Variants in MEMO1 observed in about 807,000 individuals in gnomAD.
MEMO1 encodes the protein mediator of cell motility 1.
In MEMO1, 6 loss-of-function variants were observed where a neutral mutation model predicts 45.2. The observed-to-expected ratio is 0.13, with a 90% CI of 0.07 to 0.26. MEMO1 has a LOEUF of 0.26. Ranked by LOEUF, MEMO1 falls within the 10% of genes least tolerant of loss-of-function variation. The pLI, the probability that MEMO1 is intolerant of heterozygous loss-of-function variation, is 1.00. For synonymous variants in MEMO1, 78 were observed against 124.3 expected (o/e 0.63, Z 2.48); for missense variants, 184 against 370.5 (o/e 0.50, Z 4.13).
intron 4 of MEMO1, among the ~76,000 whole-genome samples, chr2:31,921,195 GA>G (rs148932972): frequency 2.0e-3 from 309 of 152,204 alleles, no homozygotes; most frequent in African/African-American, 7.2e-3. Context: ...GTCCTTATAG[GA>G]AAAAGAGACA....
At chr2:31,891,534 A>C (rs1676979662) in intron 7 of MEMO1, among the ~76,000 whole-genome samples, 1 of 152,068 alleles carries the variant, frequency 6.6e-6, no homozygotes, top group Admixed American at 6.6e-5. Context: ...GGCAATTGTG[A>C]GTAAAAACTA....
chr2:31,920,173 A>C (rs1396110880), intron 5 of MEMO1, among the ~76,000 whole-genome samples: 1 of 151,562 alleles, frequency 6.6e-6, no homozygotes, highest in Non-Finnish European at 1.5e-5. Flanking sequence ...TCCCCCCCCC[A>C]AAAGAAAAAA....
chr2:31,970,093 T>G (rs996211239), intron 2 of MEMO1, among the ~76,000 whole-genome samples: 5 of 152,130 alleles, frequency 3.3e-5, no homozygotes, highest in Non-Finnish European at 7.4e-5. Flanking sequence ...TGTCTCAGCC[T>G]CCTGAGTAGC....
At chr2:31,968,675 T>A (rs2148446224) in intron 2 of MEMO1, among the ~76,000 whole-genome samples, 1 of 152,318 alleles carries the variant, frequency 6.6e-6, no homozygotes, top group Admixed American at 6.5e-5. Flanking sequence ...ATCCTTGCAT[T>A]CCAATCTCCA....
chr2:31,951,689 C>T (rs1313378529), intron 2 of MEMO1, among the ~76,000 whole-genome samples: 1 of 152,042 alleles, frequency 6.6e-6, no homozygotes, highest in Non-Finnish European at 1.5e-5. Context: ...CCTGCCACCG[C>T]ACCCGGCTAA....
chr2:31,888,420 C>T (rs931555686), intron 7 of MEMO1, among the ~76,000 whole-genome samples: 6 of 152,036 alleles, frequency 3.9e-5, no homozygotes, highest in Admixed American at 1.3e-4. Flanking sequence ...ATATAAATTT[C>T]AGGAAGGTCA....
intron 6 of MEMO1, among the ~76,000 whole-genome samples, chr2:31,898,753 G>A (rs1678277888): frequency 6.6e-6 from 1 of 152,164 alleles, no homozygotes; most frequent in Non-Finnish European, 1.5e-5. Context: ...CTGAGTTCAA[G>A]TCCTGAATAT....
At chr2:31,971,800 T>C (rs892049399) in intron 2 of MEMO1, among the ~76,000 whole-genome samples, 1 of 152,010 alleles carries the variant, frequency 6.6e-6, no homozygotes, top group Non-Finnish European at 1.5e-5. Flanking sequence ...TGAAACTCCA[T>C]CTCTACTAAA....
chr2:32,000,641 C>G (rs1673183116), intron 2 of MEMO1, among the ~76,000 whole-genome samples: 1 of 152,188 alleles, frequency 6.6e-6, no homozygotes, highest in Admixed American at 6.5e-5. Flanking sequence ...GCAGGGATTA[C>G]AAGCGTGAGC....
intron 2 of MEMO1, among the ~76,000 whole-genome samples, chr2:31,976,662 C>A (rs1464766009): frequency 1.3e-5 from 2 of 151,866 alleles, no homozygotes; most frequent in African/African-American, 4.8e-5. Context: ...ATATTCATTT[C>A]TAAAAATTCA....
intron 2 of MEMO1, among the ~76,000 whole-genome samples, chr2:31,982,490 T>C (rs1281515659): frequency 6.9e-6 from 1 of 145,688 alleles, no homozygotes; most frequent in Admixed American, 7.1e-5. Context: ...CTCGGGAGGC[T>C]GGGGCAGGAG....
At chr2:32,007,374 C>T (rs556894446) in intron 2 of MEMO1, among the ~76,000 whole-genome samples, 109 of 152,286 alleles carry the variant, frequency 7.2e-4, no homozygotes, top group African/African-American at 2.6e-3. Flanking sequence ...TCTCAACTTA[C>T]TTGATATTTA....
chr2:31,873,694 C>A (rs1478691604), intron 8 of MEMO1, among the ~76,000 whole-genome samples: 1 of 152,050 alleles, frequency 6.6e-6, no homozygotes, highest in Non-Finnish European at 1.5e-5. Context: ...ATTCCAACCA[C>A]ATAATTAACA....
intron 7 of MEMO1, among the ~76,000 whole-genome samples, chr2:31,884,827 T>C (rs576898096): frequency 1.4e-4 from 21 of 152,318 alleles, no homozygotes; most frequent in Admixed American, 5.9e-4. Flanking sequence ...TAACTGATGA[T>C]ATCCTAGAAT....
chr2:31,959,224 G>T (rs1667726109), intron 2 of MEMO1, among the ~76,000 whole-genome samples: 1 of 152,118 alleles, frequency 6.6e-6, no homozygotes, highest in African/African-American at 2.4e-5. Context: ...AGAGATTTCA[G>T]AATCATTTAA....
chr2:31,980,699 C>T (rs1229067874), intron 2 of MEMO1, among the ~76,000 whole-genome samples: 1 of 152,110 alleles, frequency 6.6e-6, no homozygotes, highest in African/African-American at 2.4e-5. Context: ...GGAAAACTCT[C>T]CCACTGAGAA....
chr2:31,885,452 G>C (rs547973592), intron 7 of MEMO1, among the ~76,000 whole-genome samples: 1 of 152,310 alleles, frequency 6.6e-6, no homozygotes, highest in South Asian at 2.1e-4. Flanking sequence ...AGGTGGCTGT[G>C]AGAAGGCTGC....
At chr2:31,881,274 G>T (rs772908721) in intron 8 of MEMO1, among the ~76,000 whole-genome samples, 2 of 151,634 alleles carry the variant, frequency 1.3e-5, no homozygotes, top group Non-Finnish European at 2.9e-5. Flanking sequence ...TGGATCACTT[G>T]ATCTCAGGAG....
intron 2 of MEMO1, among the ~76,000 whole-genome samples, chr2:31,967,284 C>T (rs528686492): frequency 6.8e-4 from 103 of 151,986 alleles, no homozygotes; most frequent in African/African-American, 2.4e-3. Flanking sequence ...CCACCACGCC[C>T]GGCTAATTTT....
Sources: gnomAD v4.1 joint callset for allele counts (sites outside exome capture counted in the v4.1 genomes callset) on GRCh38, gnomAD v4.1.1 for gene constraint, MANE v1.5 for transcripts, NCBI Gene and HGNC (gene_info 2026-07-23, HGNC 2026-07-21) for gene names.